The following NCOR2 variants were observed in gnomAD, a reference collection of about 807,000 sequenced individuals.
The protein encoded by NCOR2 is CTG repeat protein 26.
NCOR2 carries 81 observed loss-of-function variants against 262.9 expected under a neutral mutation model. The observed-to-expected ratio is 0.31, with a 90% CI of 0.26 to 0.37. The LOEUF (loss-of-function observed/expected upper bound fraction) is 0.37. Among genes scored for constraint, NCOR2 ranks in the 10% least tolerant of loss-of-function variants. The pLI, the probability that NCOR2 is intolerant of heterozygous loss-of-function variation, is 1.00. For missense variants in NCOR2, 3,385 were observed against 3,621.4 expected, an observed-to-expected ratio of 0.93 and a Z score of 1.68; for synonymous variants, 1,659 against 1,559.3, an observed-to-expected ratio of 1.06 and a Z score of -1.51.
intron 13 of NCOR2, among the ~76,000 whole-genome samples, chr12:124,417,916 C>T (rs1442920475): frequency 2.0e-5 from 3 of 152,028 alleles, no homozygotes; most frequent in Non-Finnish European, 4.4e-5. Context: ...AAAAAATTAG[C>T]AGGATGCAGT....
chr12:124,530,831 G>A (rs970893793), intron 1 of NCOR2, among the ~76,000 whole-genome samples: 17 of 152,204 alleles, frequency 1.1e-4, no homozygotes, highest in African/African-American at 3.9e-4. Flanking sequence ...CATACAGCAG[G>A]GGCTTCATTA....
chr12:124,410,327 G>A (rs968141713), intron 13 of NCOR2, among the ~76,000 whole-genome samples: 3 of 150,644 alleles, frequency 2.0e-5, no homozygotes, highest in Admixed American at 6.6e-5. Flanking sequence ...CCTGCAGCCC[G>A]GTCTGCTCCA....
chr12:124,458,658 G>A (rs566233383), intron 5 of NCOR2, among the ~76,000 whole-genome samples: 1 of 152,380 alleles, frequency 6.6e-6, no homozygotes, highest in Non-Finnish European at 1.5e-5. Flanking sequence ...ACAGGCAGGA[G>A]TAGCCCCATC....
At chr12:124,437,726 C>CA (rs1410149461) in intron 8 of NCOR2, among the ~76,000 whole-genome samples, 1 of 152,082 alleles carries the variant, frequency 6.6e-6, no homozygotes, top group Non-Finnish European at 1.5e-5. Flanking sequence ...AGAGCCCCCC[C>CA]ACCCCCACCC....
chr12:124,386,343 G>T (rs923056980), intron 16 of NCOR2, among the ~76,000 whole-genome samples: 1 of 152,118 alleles, frequency 6.6e-6, no homozygotes, highest in South Asian at 2.1e-4. Context: ...TCGGGAGACG[G>T]GTTGTTTTCC....
intron 13 of NCOR2, among the ~76,000 whole-genome samples, chr12:124,416,666 G>A (rs1256401680): frequency 6.8e-6 from 1 of 147,250 alleles, no homozygotes; most frequent in East Asian, 2.0e-4. Flanking sequence ...AGACCCCACA[G>A]CACAGGGAGA....
At chr12:124,514,539 G>C (rs1200527351) in intron 1 of NCOR2, 1 of 152,164 alleles carries the variant, frequency 6.6e-6, no homozygotes, top group African/African-American at 2.4e-5. Context: ...CTCAGGAAAG[G>C]GTGTTCCCAG....
chr12:124,468,287 C>A, intron 4 of NCOR2, among the ~76,000 whole-genome samples: 1 of 66,322 alleles, frequency 1.5e-5, no homozygotes, highest in Non-Finnish European at 3.3e-5. Flanking sequence ...TCACCCTCAT[C>A]CTCATCACGC....
chr12:124,336,700 T>G, intron 38 of NCOR2, 53 bp downstream of exon 40: 1 of 1,596,170 alleles, frequency 6.3e-7, no homozygotes, highest in Non-Finnish European at 8.5e-7. Flanking sequence ...CGTGAGCAAT[T>G]TGACGCATGA....
At chr12:124,420,923 G>A (rs916256020) in intron 12 of NCOR2, among the ~76,000 whole-genome samples, 21 of 152,212 alleles carry the variant, frequency 1.4e-4, no homozygotes, top group African/African-American at 4.3e-4. Flanking sequence ...TGCCAAGTAC[G>A]ACCGCCAGGG....
chr12:124,449,728 C>T, intron 7 of NCOR2, 87 bp downstream of exon 9: 5 of 1,486,366 alleles, frequency 3.4e-6, no homozygotes, highest in Admixed American at 1.8e-5. Flanking sequence ...AACAGAGAGC[C>T]CACGTCCCAC....
At chr12:124,464,625 T>C (rs934475979) in intron 5 of NCOR2, among the ~76,000 whole-genome samples, 1 of 152,248 alleles carries the variant, frequency 6.6e-6, no homozygotes, top group African/African-American at 2.4e-5. Context: ...AGAGCTATGA[T>C]AATGACAATT....
At chr12:124,487,399 C>T (rs1458192650) in intron 1 of NCOR2, among the ~76,000 whole-genome samples, 1 of 152,262 alleles carries the variant, frequency 6.6e-6, no homozygotes. Flanking sequence ...GGCAGACCTT[C>T]CTCCTTTAAT....
chr12:124,400,320 G>A (rs780798564), intron 15 of NCOR2, among the ~76,000 whole-genome samples, 181 bp downstream of exon 17: 1 of 152,124 alleles, frequency 6.6e-6, no homozygotes, highest in Non-Finnish European at 1.5e-5. Context: ...GAGAGGTTCA[G>A]GAATTCATGC....
intron 1 of NCOR2, among the ~76,000 whole-genome samples, chr12:124,551,943 G>A (rs999669154): frequency 2.6e-5 from 4 of 152,188 alleles, no homozygotes; most frequent in African/African-American, 9.7e-5. Flanking sequence ...CTTGTCATGA[G>A]ACATGCTGGG....
At chr12:124,447,645 T>C (rs1337212367) in intron 7 of NCOR2, among the ~76,000 whole-genome samples, 4 of 152,182 alleles carry the variant, frequency 2.6e-5, no homozygotes, top group Admixed American at 1.3e-4. Context: ...AAGATAGTTA[T>C]GTCAGCATAG....
At chr12:124,362,344 G>A in intron 21 of NCOR2, 47 bp from the exon 24 acceptor site, 1 of 1,320,094 alleles carries the variant, frequency 7.6e-7, no homozygotes, top group African/African-American at 1.5e-5. Flanking sequence ...GTGTCTGAAA[G>A]TGACAGGGTC....
At chr12:124,476,891 C>G (rs1486917559) in intron 3 of NCOR2, among the ~76,000 whole-genome samples, 1 of 124,214 alleles carries the variant, frequency 8.1e-6, no homozygotes, top group East Asian at 2.4e-4. Context: ...ATAGCAAGAC[C>G]CCATCTTTAT....
chr12:124,421,237 C>G (rs957882781), intron 12 of NCOR2, among the ~76,000 whole-genome samples: 3 of 152,248 alleles, frequency 2.0e-5, no homozygotes, highest in African/African-American at 7.2e-5. Flanking sequence ...CTCCAGACCC[C>G]TCTGGAAGCT....
Sources: gnomAD v4.1 joint callset for allele counts (sites outside exome capture counted in the v4.1 genomes callset) on GRCh38, gnomAD v4.1.1 for gene constraint, MANE v1.5 for transcripts, NCBI Gene and HGNC (gene_info 2026-07-23, HGNC 2026-07-21) for gene names.